The following CMSS1 variants were observed in gnomAD, a reference collection of about 807,000 sequenced individuals.
CMSS1 encodes the protein protein CMSS1.
CMSS1 carries 33 observed loss-of-function variants against 43.5 expected under a neutral mutation model. The observed-to-expected ratio is 0.76, with a 90% CI of 0.57 to 1.01. The LOEUF (loss-of-function observed/expected upper bound fraction) is 1.01. CMSS1 is among the 50% of genes least tolerant of loss of function. The probability of loss-of-function intolerance (pLI) is 0.00; values close to 1 mark genes in which losing one functional copy is unlikely to be tolerated. For synonymous variants in CMSS1, 115 were observed against 117.2 expected (o/e 0.98, Z 0.12); for missense variants, 313 against 326.4 (o/e 0.96, Z 0.32).
In CMSS1 at chr3:99,983,855, T is replaced by C. The variant is rs956091153; in HGVS notation, c.65-163118T>C. Among the ~76,000 whole-genome samples, 4 of 151,982 alleles carry C rather than the reference T, an allele frequency of 2.6e-5. No individual in the cohort carries two copies. The South Asian group carries it at 6.2e-4, about 24-fold the overall frequency. On this transcript the variant is annotated intron_variant, in intron 1 of 9. Transcript: ENST00000421999. ...TGGACCATCTGATGAAATAAACTTA[T>C]AATGTAGAATAACTTGCCAGAAGAA...
intron 6 of CMSS1, among the ~76,000 whole-genome samples, chr3:100,168,428 A>C (rs2067081957): frequency 6.6e-6 from 1 of 152,098 alleles, no homozygotes; most frequent in Non-Finnish European, 1.5e-5. Context: ...GGCACAGCAG[A>C]TTGTGCCTAT....
intron 1 of CMSS1, among the ~76,000 whole-genome samples, chr3:99,984,494 T>G (rs1046734236): frequency 6.6e-6 from 1 of 152,236 alleles, no homozygotes; most frequent in African/African-American, 2.4e-5. Context: ...TTGCATTAAC[T>G]TTCTGATAAA....
At chr3:100,010,532 T>C (rs1364229664) in intron 1 of CMSS1, among the ~76,000 whole-genome samples, 2 of 152,108 alleles carry the variant, frequency 1.3e-5, no homozygotes, top group Admixed American at 1.3e-4. Flanking sequence ...CCAGTTGTAT[T>C]TGGTGACAAT....
chr3:100,106,825 T>C (rs953863171), intron 1 of CMSS1, among the ~76,000 whole-genome samples: 7 of 152,214 alleles, frequency 4.6e-5, no homozygotes, highest in South Asian at 2.1e-4. Flanking sequence ...TTTTCATATG[T>C]CTGGAAAATT....
chr3:100,124,535 CCTT>C (rs1458909622), intron 1 of CMSS1, among the ~76,000 whole-genome samples: 8 of 152,304 alleles, frequency 5.3e-5, no homozygotes, highest in African/African-American at 1.9e-4. Context: ...GTGACCCTGA[CCTT>C]CTCAGCAGCC....
At chr3:100,046,965 G>A (rs1391898220) in intron 1 of CMSS1, among the ~76,000 whole-genome samples, 1 of 152,220 alleles carries the variant, frequency 6.6e-6, no homozygotes. Context: ...AAATCATGGA[G>A]AAAGAGGCTG....
At chr3:99,983,434 A>G (rs1278593994) in intron 1 of CMSS1, among the ~76,000 whole-genome samples, 2 of 67,820 alleles carry the variant, frequency 2.9e-5, no homozygotes, top group African/African-American at 6.0e-5. Flanking sequence ...GTATGTATGT[A>G]TATATATGTA....
intron 1 of CMSS1, among the ~76,000 whole-genome samples, chr3:99,994,709 A>C (rs1466459781): frequency 6.6e-6 from 1 of 152,190 alleles, no homozygotes; most frequent in African/African-American, 2.4e-5. Flanking sequence ...GTGCACTCCC[A>C]CGTGGCTGGG....
In CMSS1 at chr3:99,971,877, A is replaced by G. The variant is rs141448231; in HGVS notation, c.64+153834A>G. On this transcript the variant is annotated intron_variant, in intron 1 of 9. Transcript: ENST00000421999. ...ATATAGATCATTCTAAAAAGCACCTATATACTCTTTTGGTAGGATTTGGTA... is the reference window on the plus strand; with the variant it reads ...ATATAGATCATTCTAAAAAGCACCTGTATACTCTTTTGGTAGGATTTGGTA... 2.7e-4 allele frequency among the ~76,000 whole-genome samples: 41 copies of G among 152,314 alleles called. 1 individual carries two copies. The East Asian group carries it at 5.2e-3, about 19-fold the overall frequency.
At chr3:99,921,387 G>A (rs1324557117) in intron 1 of CMSS1, among the ~76,000 whole-genome samples, 3 of 152,080 alleles carry the variant, frequency 2.0e-5, no homozygotes, top group East Asian at 1.9e-4. Context: ...AGTCAGTTAT[G>A]CCTCATGAGG....
intron 1 of CMSS1, among the ~76,000 whole-genome samples, chr3:99,856,883 G>C (rs1440926449): frequency 6.6e-6 from 1 of 152,074 alleles, no homozygotes; most frequent in Non-Finnish European, 1.5e-5. Context: ...GAAACACATG[G>C]TATATCTAAA....
intron 1 of CMSS1, among the ~76,000 whole-genome samples, chr3:99,825,207 T>G (rs1050214188): frequency 6.6e-6 from 1 of 152,252 alleles, no homozygotes; most frequent in Non-Finnish European, 1.5e-5. Context: ...CATGTTGTTT[T>G]CATAATCATT....
chr3:99,830,958 T>TA (rs1480059818), intron 1 of CMSS1, among the ~76,000 whole-genome samples: 2 of 152,230 alleles, frequency 1.3e-5, no homozygotes, highest in African/African-American at 4.8e-5. Flanking sequence ...AGATTGTCTT[T>TA]AAGAGTGCTT....
intron 1 of CMSS1, among the ~76,000 whole-genome samples, chr3:99,905,472 T>A (rs1272182214): frequency 6.6e-6 from 1 of 152,226 alleles, no homozygotes; most frequent in Non-Finnish European, 1.5e-5. Context: ...ATGTCTTGCA[T>A]CTTTAGAACA....
chr3:100,059,620 AG>A (rs2065525616), intron 1 of CMSS1, among the ~76,000 whole-genome samples: 1 of 152,312 alleles, frequency 6.6e-6, no homozygotes, highest in Admixed American at 6.5e-5. Context: ...GTGAGCCAGA[AG>A]GCGGGGGCCA....
chr3:99,964,480 A>G (rs1045363301), intron 1 of CMSS1: 3 of 152,714 alleles, frequency 2.0e-5, no homozygotes, highest in Non-Finnish European at 4.4e-5. Context: ...CTGACAGGTA[A>G]GTGATCTGCT....
chr3:99,819,945 G>C (rs1418151435), intron 1 of CMSS1, among the ~76,000 whole-genome samples: 1 of 151,694 alleles, frequency 6.6e-6, no homozygotes, highest in Non-Finnish European at 1.5e-5. Context: ...AGTAGAGACG[G>C]GGTTTCACCA....
At chr3:99,983,021 T>C (rs995406505) in intron 1 of CMSS1, among the ~76,000 whole-genome samples, 2 of 152,034 alleles carry the variant, frequency 1.3e-5, no homozygotes, top group Non-Finnish European at 2.9e-5. Flanking sequence ...ACCCACTGTG[T>C]GAATATGAGG....
chr3:100,106,176 T>G (rs762529967), intron 1 of CMSS1, among the ~76,000 whole-genome samples: 2 of 151,712 alleles, frequency 1.3e-5, no homozygotes, highest in Non-Finnish European at 2.9e-5. Context: ...TCAGAAGAGG[T>G]TGACTTATCA....
Sources: gnomAD v4.1 joint callset for allele counts (sites outside exome capture counted in the v4.1 genomes callset) on GRCh38, gnomAD v4.1.1 for gene constraint, MANE v1.5 for transcripts, NCBI Gene and HGNC (gene_info 2026-07-23, HGNC 2026-07-21) for gene names.